The following KPNA3 variants were observed in gnomAD, a reference collection of about 807,000 sequenced individuals.
KPNA3 encodes importin subunit alpha-4.
KPNA3 carries 13 observed loss-of-function variants against 73.8 expected under a neutral mutation model. The observed-to-expected ratio is 0.18, with a 90% CI of 0.11 to 0.28. The LOEUF (loss-of-function observed/expected upper bound fraction) is 0.28, where lower values mean the gene tolerates loss of function less well. Among genes scored for constraint, KPNA3 ranks in the 10% least tolerant of loss-of-function variants. The pLI, the probability that KPNA3 is intolerant of heterozygous loss-of-function variation, is 1.00. For synonymous variants in KPNA3, 186 were observed against 206.9 expected (o/e 0.90, Z 0.87); for missense variants, 360 against 618.1 (o/e 0.58, Z 4.43).
intron 9 of KPNA3, among the ~76,000 whole-genome samples, chr13:49,720,339 C>A (rs1377852701): frequency 6.6e-6 from 1 of 152,192 alleles, no homozygotes; most frequent in Non-Finnish European, 1.5e-5. Context: ...TTGTTAAATT[C>A]AGGCCCCAGA....
At chr13:49,719,386 TGA>T (rs1328727043) in intron 10 of KPNA3, among the ~76,000 whole-genome samples, 1 of 152,154 alleles carries the variant, frequency 6.6e-6, no homozygotes, top group Non-Finnish European at 1.5e-5. Flanking sequence ...AATCTCTCTC[TGA>T]GAGTCCGTTT....
chr13:49,737,286 G>A (rs1257617158), intron 2 of KPNA3, among the ~76,000 whole-genome samples: 1 of 152,078 alleles, frequency 6.6e-6, no homozygotes, highest in African/African-American at 2.4e-5. Flanking sequence ...ACTGTTTTCC[G>A]GAGTGACTGT....
At chr13:49,747,697 A>G (rs749698429) in intron 1 of KPNA3, among the ~76,000 whole-genome samples, 24 of 152,256 alleles carry the variant, frequency 1.6e-4, no homozygotes, top group Non-Finnish European at 3.2e-4. Context: ...AAAAATAAAT[A>G]AATAAGAAGA....
chr13:49,749,391 T>C (rs1454122392), intron 1 of KPNA3, among the ~76,000 whole-genome samples: 2 of 152,234 alleles, frequency 1.3e-5, no homozygotes, highest in Non-Finnish European at 2.9e-5. Flanking sequence ...AGTAGAACAG[T>C]TATTCAAGAT....
In KPNA3 at chr13:49,732,423, T is replaced by A. The variant is rs1363741876; in HGVS notation, c.331A>T (p.Ile111Leu). ...SDRNPPIDDL[I>L]KSGILPILVK... The stretch of plus-strand genomic sequence containing the variant: ...AGAATTGGTAAAATCCCAGATTTTA[T>A]TAAGTCATCAATCGGTGGATTTCTG... Residue 111 changes from isoleucine (I) to leucine (L), a missense_variant, in exon 6 of 17, where the codon ATA becomes TTA. By Grantham distance (5) the Ile-to-Leu change is conservative. This residue lies in a region of KPNA3 where 287 missense variants were observed against 549.1 expected (regional missense o/e 0.52). Coordinates refer to ENST00000261667, the MANE Select transcript of KPNA3 (RefSeq NM_002267.4). 10 of 1,600,446 alleles carry A rather than the reference T, an allele frequency of 6.2e-6. No individual in the cohort carries two copies. Among genetic ancestry groups the A allele is most frequent in the Non-Finnish European group, 8.5e-6 (10 of 1,170,974 alleles).
At chr13:49,784,539 T>A (rs914713137) in intron 1 of KPNA3, among the ~76,000 whole-genome samples, 3 of 152,206 alleles carry the variant, frequency 2.0e-5, no homozygotes, top group Non-Finnish European at 4.4e-5. Context: ...TATAGATGAA[T>A]GGGTAAACAA....
At chr13:49,751,478 G>A (rs1173289752) in intron 1 of KPNA3, among the ~76,000 whole-genome samples, 1 of 152,062 alleles carries the variant, frequency 6.6e-6, no homozygotes, top group Non-Finnish European at 1.5e-5. Context: ...GCAGCCGGGG[G>A]GGTTCTTTTT....
At chr13:49,734,607 G>A (rs928179386) in intron 2 of KPNA3, among the ~76,000 whole-genome samples, 1 of 152,208 alleles carries the variant, frequency 6.6e-6, no homozygotes, top group African/African-American at 2.4e-5. Context: ...GTTCTGTGGT[G>A]TCTGAAAGAT....
At chr13:49,714,455 T>C (rs1403238081) in intron 10 of KPNA3, among the ~76,000 whole-genome samples, 4 of 152,110 alleles carry the variant, frequency 2.6e-5, no homozygotes, top group Non-Finnish European at 4.4e-5. Context: ...TAAACATAGA[T>C]GCAATGAATA....
At chr13:49,718,739 C>T (rs1452149609) in intron 10 of KPNA3, among the ~76,000 whole-genome samples, 3 of 152,168 alleles carry the variant, frequency 2.0e-5, no homozygotes, top group African/African-American at 7.2e-5. Context: ...ACATTTTAGG[C>T]TGTGTCAAAC....
At chr13:49,745,920 G>A (rs7996336) in intron 2 of KPNA3, among the ~76,000 whole-genome samples, 2,586 of 151,520 alleles carry the variant, frequency 0.017, 62 homozygotes, top group African/African-American at 0.059. Context: ...AAAATTAGCC[G>A]GACGAGGTGG....
intron 1 of KPNA3, among the ~76,000 whole-genome samples, chr13:49,784,147 G>A (rs1358039521): frequency 1.3e-5 from 2 of 152,110 alleles, no homozygotes; most frequent in Non-Finnish European, 2.9e-5. Flanking sequence ...TACTCAAGAC[G>A]CTGAGGCAGG....
chr13:49,772,103 G>A (rs1474424883), intron 1 of KPNA3, among the ~76,000 whole-genome samples: 1 of 152,138 alleles, frequency 6.6e-6, no homozygotes, highest in Non-Finnish European at 1.5e-5. Flanking sequence ...CTATCCAGAA[G>A]ATCATATCAT....
chr13:49,781,128 A>G (rs752410702), intron 1 of KPNA3, among the ~76,000 whole-genome samples: 4 of 152,228 alleles, frequency 2.6e-5, no homozygotes, highest in South Asian at 2.1e-4. Flanking sequence ...CTTTCAGCTC[A>G]GGCACAATCA....
intron 1 of KPNA3, among the ~76,000 whole-genome samples, chr13:49,760,288 GC>G (rs1954748142): frequency 6.6e-6 from 1 of 151,888 alleles, no homozygotes; most frequent in African/African-American, 2.4e-5. Flanking sequence ...GGTGGTACAT[GC>G]CTGTGATTCC....
intron 8 of KPNA3, 26 bp downstream of exon 8, chr13:49,722,451 A>G: frequency 6.8e-7 from 1 of 1,477,368 alleles, no homozygotes; most frequent in Non-Finnish European, 9.4e-7. Context: ...TTAGATTCTT[A>G]AGAGGATTCC....
intron 2 of KPNA3, among the ~76,000 whole-genome samples, chr13:49,738,298 T>C (rs1361412250): frequency 6.6e-6 from 1 of 152,222 alleles, no homozygotes; most frequent in Non-Finnish European, 1.5e-5. Context: ...CGTGAAGTAA[T>C]TTCCCCTTTT....
intron 1 of KPNA3, among the ~76,000 whole-genome samples, chr13:49,790,076 T>C (rs1284980755): frequency 6.6e-6 from 1 of 152,220 alleles, no homozygotes; most frequent in Non-Finnish European, 1.5e-5. Context: ...CCCCAAGACC[T>C]AACATTGATA....
At chr13:49,726,556 C>T (rs898252985) in intron 6 of KPNA3, among the ~76,000 whole-genome samples, 29 of 151,978 alleles carry the variant, frequency 1.9e-4, no homozygotes, top group Middle Eastern at 3.4e-3. Flanking sequence ...TACAGATATG[C>T]TAAGGATGGG....
Sources: allele counts gnomAD v4.1 joint callset (sites outside exome capture counted in the v4.1 genomes callset), GRCh38; gene constraint gnomAD v4.1.1; regional missense constraint gnomAD v4.1.1; transcripts MANE v1.5; gene names NCBI Gene and HGNC (gene_info 2026-07-23, HGNC 2026-07-21).